The following DPP10 variants were observed in gnomAD, a reference collection of about 807,000 sequenced individuals.
DPP10 encodes dipeptidyl peptidase like 10, also known as inactive dipeptidyl peptidase 10.
A neutral mutation model predicts 120.9 loss-of-function variants in DPP10; 33 were observed. The ratio of observed to expected loss-of-function variants is 0.27; its 90% confidence interval spans 0.21 to 0.37. DPP10 has a LOEUF of 0.37. Ranked by LOEUF, DPP10 falls within the 10% of genes least tolerant of loss-of-function variation. The pLI, the probability that DPP10 is intolerant of heterozygous loss-of-function variation, is 1.00. For missense variants in DPP10, 816 were observed against 942.8 expected (o/e 0.87, Z 1.76); for synonymous variants, 337 against 326.1 (o/e 1.03, Z -0.36).
intron 21 of DPP10, among the ~76,000 whole-genome samples, chr2:115,823,493 C>T (rs1688010857): frequency 6.6e-6 from 1 of 152,078 alleles, no homozygotes; most frequent in Non-Finnish European, 1.5e-5. Context: ...TTTGTTTACG[C>T]CATCCACCAA....
chr2:115,438,036 CT>C (rs2071652584), intron 3 of DPP10, among the ~76,000 whole-genome samples: 2 of 150,794 alleles, frequency 1.3e-5, no homozygotes, highest in South Asian at 4.2e-4. Flanking sequence ...GGGATTCAAG[CT>C]GAAAAAAATG....
Position 114,838,170 on chromosome 2 carries a change from C to G in DPP10, c.60+395332C>G, listed in dbSNP as rs562100554. Among the ~76,000 whole-genome samples the G allele has an allele frequency of 5.9e-5, 9 of 152,266 alleles. No homozygotes were observed. In the South Asian group the frequency reaches 8.3e-4, roughly 14 times the overall value. ...ATATCACCTCCACTAAATCCATTGC[C>G]CTCAATCCAGTCACATGCATCCTAA... On this transcript the variant is annotated intron_variant, in intron 1 of 25. Coordinates refer to ENST00000410059, the MANE Select transcript of DPP10 (RefSeq NM_020868.6).
At chr2:115,261,395 A>G (rs1050389960) in intron 1 of DPP10, among the ~76,000 whole-genome samples, 1 of 152,324 alleles carries the variant, frequency 6.6e-6, no homozygotes, top group African/African-American at 2.4e-5. Flanking sequence ...ACGCATGGTG[A>G]AGAAATACGG....
chr2:115,587,362 T>G (rs1344080498), intron 5 of DPP10, among the ~76,000 whole-genome samples: 2 of 152,134 alleles, frequency 1.3e-5, no homozygotes, highest in African/African-American at 2.4e-5. Context: ...CCTCCCAAAG[T>G]GAACATTGTC....
Position 115,165,445 on chromosome 2 carries a change from A to G in DPP10, c.61-143794A>G, listed in dbSNP as rs993673829. 3.9e-5 allele frequency among the ~76,000 whole-genome samples: 6 copies of G among 152,194 alleles called. No individual in the cohort carries two copies. In the East Asian group the frequency reaches 5.8e-4, roughly 15 times the overall value. ...ATGTGTATGTGTGCACATGTGCACA[A>G]ATTTACCTTGAATATAAAACAAATG... On this transcript the variant is annotated intron_variant, in intron 1 of 25. Coordinates refer to ENST00000410059, the MANE Select transcript of DPP10 (RefSeq NM_020868.6).
intron 5 of DPP10, among the ~76,000 whole-genome samples, chr2:115,595,180 A>G (rs1364695771): frequency 6.6e-6 from 1 of 152,112 alleles, no homozygotes; most frequent in African/African-American, 2.4e-5. Context: ...CTTTGAGAGG[A>G]GACTCAGTTT....
At chr2:115,655,245 G>A (rs558473400) in intron 5 of DPP10, among the ~76,000 whole-genome samples, 26 of 151,396 alleles carry the variant, frequency 1.7e-4, no homozygotes, top group African/African-American at 4.8e-4. Context: ...ATATTTGGCC[G>A]AATAAGCACA....
intron 1 of DPP10, among the ~76,000 whole-genome samples, chr2:114,555,090 G>A (rs1398434037): frequency 6.6e-6 from 1 of 152,174 alleles, no homozygotes; most frequent in African/African-American, 2.4e-5. Context: ...TTGGTGCTGG[G>A]TACTGAACAG....
At chr2:114,827,538 T>C (rs2106381423) in intron 1 of DPP10, among the ~76,000 whole-genome samples, 1 of 152,288 alleles carries the variant, frequency 6.6e-6, no homozygotes, top group Non-Finnish European at 1.5e-5. Flanking sequence ...ATATGGCATA[T>C]ATGTTTACGG....
At chr2:114,629,981 T>A (rs1271850459) in intron 1 of DPP10, among the ~76,000 whole-genome samples, 1 of 152,098 alleles carries the variant, frequency 6.6e-6, no homozygotes, top group Non-Finnish European at 1.5e-5. Context: ...AAATATACAG[T>A]GTTAAGTAAA....
chr2:115,608,645 C>T (rs1181759818), intron 5 of DPP10, among the ~76,000 whole-genome samples: 2 of 152,158 alleles, frequency 1.3e-5, no homozygotes, highest in East Asian at 1.9e-4. Flanking sequence ...TTCCAACAAG[C>T]CTTTAGCATC....
chr2:115,019,806 CA>C (rs771649183), intron 1 of DPP10, among the ~76,000 whole-genome samples: 62 of 152,354 alleles, frequency 4.1e-4, no homozygotes, highest in Non-Finnish European at 6.8e-4. Context: ...ATCAGATTAA[CA>C]GCAGATTTCT....
At chr2:114,966,072 G>A (rs890934825) in intron 1 of DPP10, among the ~76,000 whole-genome samples, 1 of 151,886 alleles carries the variant, frequency 6.6e-6, no homozygotes, top group Non-Finnish European at 1.5e-5. Flanking sequence ...AGTTAGGACA[G>A]TGTGGTAATT....
chr2:115,739,843 C>T lies in DPP10; in HGVS notation c.802C>T (p.Arg268Trp), dbSNP rs1271674082. The stretch of plus-strand genomic sequence containing the variant: ...TTTGGTACCCACCATGGTTATCCCT[C>T]GGTTTACTGGAGCGTTGTATCCCAA... ...DSLVPTMVIP[R>W]FTGALYPKGK... is the part of the protein sequence containing the mutation. Residue 268 changes from arginine to tryptophan, a missense_variant, in exon 9 of 26, where the codon CGG becomes TGG. By Grantham distance (101) the Arg-to-Trp change is moderately radical. Coordinates refer to ENST00000410059, the MANE Select transcript of DPP10 (RefSeq NM_020868.6). 17 of 1,613,380 alleles carry T rather than the reference C, an allele frequency of 1.1e-5. No homozygotes were observed. Among genetic ancestry groups the T allele is most frequent in the Admixed American group, 3.3e-5 (2 of 59,974 alleles).
At chr2:114,497,027 G>T (rs867427026) in intron 1 of DPP10, among the ~76,000 whole-genome samples, 1 of 149,018 alleles carries the variant, frequency 6.7e-6, no homozygotes, top group Non-Finnish European at 1.5e-5. Flanking sequence ...ATATATGTGT[G>T]TATATATACA....
chr2:115,430,264 T>C (rs962231637), intron 3 of DPP10, among the ~76,000 whole-genome samples: 6 of 152,188 alleles, frequency 3.9e-5, no homozygotes, highest in Admixed American at 6.5e-5. Context: ...ATATTGGAAA[T>C]GTTCCTGGAC....
At chr2:115,499,800 G>A (rs144222031) in intron 4 of DPP10, among the ~76,000 whole-genome samples, 196 bp downstream of exon 4, 17 of 151,834 alleles carry the variant, frequency 1.1e-4, no homozygotes, top group Admixed American at 2.6e-4. Context: ...TTTTCTTCCC[G>A]TTTACTCTTG....
At chr2:115,019,323 A>G (rs981190477) in intron 1 of DPP10, among the ~76,000 whole-genome samples, 2 of 152,206 alleles carry the variant, frequency 1.3e-5, no homozygotes, top group Non-Finnish European at 1.5e-5. Flanking sequence ...CAGCATAAAC[A>G]AAAAGAAATC....
intron 1 of DPP10, among the ~76,000 whole-genome samples, chr2:114,638,835 C>T (rs1185035575): frequency 2.0e-5 from 3 of 151,740 alleles, no homozygotes; most frequent in African/African-American, 7.3e-5. Context: ...GAACATGCAC[C>T]ACTTTGTTCA....
Sources: allele counts gnomAD v4.1 joint callset (sites outside exome capture counted in the v4.1 genomes callset), GRCh38; gene constraint gnomAD v4.1.1; transcripts MANE v1.5; gene names NCBI Gene and HGNC (gene_info 2026-07-23, HGNC 2026-07-21).